KIAA1549L: variants seen among roughly 807,000 people sequenced by gnomAD.
The protein encoded by KIAA1549L is KIAA1549 like, also known as UPF0606 protein KIAA1549L.
KIAA1549L carries 88 observed loss-of-function variants against 160.7 expected under a neutral mutation model. The observed-to-expected ratio is 0.55, with a 90% CI of 0.46 to 0.65. The LOEUF is 0.65. Among genes scored for constraint, KIAA1549L ranks in the 30% least tolerant of loss-of-function variants. The pLI, the probability that KIAA1549L is intolerant of heterozygous loss-of-function variation, is 0.00. For synonymous variants in KIAA1549L, 950 were observed against 976.7 expected (o/e 0.97, Z 0.51); for missense variants, 2,258 against 2,437.5 (o/e 0.93, Z 1.55).
intron 1 of KIAA1549L, among the ~76,000 whole-genome samples, chr11:33,384,928 G>GT (rs748118233): frequency 8.5e-5 from 12 of 141,156 alleles, no homozygotes; most frequent in East Asian, 4.0e-4. Flanking sequence ...TATTAACAGC[G>GT]TTTTTTTTGT....
intron 9 of KIAA1549L, among the ~76,000 whole-genome samples, chr11:33,571,726 C>T (rs535891895): frequency 3.9e-5 from 6 of 152,158 alleles, no homozygotes; most frequent in South Asian, 4.1e-4. Flanking sequence ...TACCTCCCAC[C>T]GGGACCCACC....
At chr11:33,517,663 G>C (rs1712058227) in intron 1 of KIAA1549L, among the ~76,000 whole-genome samples, 1 of 152,090 alleles carries the variant, frequency 6.6e-6, no homozygotes, top group African/African-American at 2.4e-5. Flanking sequence ...GGACATAAAT[G>C]CTTCTATTTC....
intron 16 of KIAA1549L, 150 bp downstream of exon 16, chr11:33,618,812 C>T: frequency 1.5e-6 from 1 of 682,690 alleles, no homozygotes; most frequent in Admixed American, 3.5e-5. Flanking sequence ...ACCTATTTTG[C>T]AAAGTAGGAC....
intron 1 of KIAA1549L, among the ~76,000 whole-genome samples, chr11:33,453,844 C>T (rs1413070651): frequency 2.0e-5 from 3 of 152,100 alleles, no homozygotes; most frequent in Non-Finnish European, 4.4e-5. Context: ...AACATAAACC[C>T]CAAAGTAAAA....
At chr11:33,664,491 G>A (rs1025306543) in intron 20 of KIAA1549L, among the ~76,000 whole-genome samples, 4 of 152,164 alleles carry the variant, frequency 2.6e-5, no homozygotes, top group African/African-American at 9.7e-5. Flanking sequence ...CATCCAATTG[G>A]TGATGTCCCA....
chr11:33,457,326 G>A (rs971234174), intron 1 of KIAA1549L, among the ~76,000 whole-genome samples: 1 of 152,178 alleles, frequency 6.6e-6, no homozygotes, highest in Non-Finnish European at 1.5e-5. Flanking sequence ...GCAAGTCCTG[G>A]GGATGTGGTC....
rs115902325 is a variant in KIAA1549L at position 33,588,006 on chromosome 11, G to A, written c.4567-3231G>A. ...AGATGTTCCAGCTCTGTGTCACATA[G>A]TCCTAGGTTCAAATGCTGACTCCAT... On this transcript the variant is annotated intron_variant, in intron 11 of 20. Coordinates refer to ENST00000658780, the MANE Select transcript of KIAA1549L (RefSeq NM_012194.3). 6.3e-3 allele frequency among the ~76,000 whole-genome samples: 955 copies of A among 152,330 alleles called. 19 individuals carry two copies. Among genetic ancestry groups the A allele is most frequent in the African/African-American group, 0.021 (892 of 41,574 alleles).
chr11:33,409,617 GCTTA>G (rs1850746098), intron 1 of KIAA1549L, among the ~76,000 whole-genome samples: 1 of 152,106 alleles, frequency 6.6e-6, no homozygotes, highest in Admixed American at 6.6e-5. Context: ...AGGTCATTCT[GCTTA>G]CTTTTTCCTT....
intron 9 of KIAA1549L, among the ~76,000 whole-genome samples, chr11:33,571,663 C>T (rs1855261543): frequency 6.6e-6 from 1 of 152,134 alleles, no homozygotes; most frequent in African/African-American, 2.4e-5. Flanking sequence ...AGAACTCATT[C>T]ACTACTGCGA....
intron 11 of KIAA1549L, among the ~76,000 whole-genome samples, chr11:33,585,787 T>G (rs1012458769): frequency 1.3e-5 from 2 of 152,172 alleles, no homozygotes; most frequent in Non-Finnish European, 2.9e-5. Flanking sequence ...CTAGGACAGA[T>G]TAGCGTTTGT....
At chr11:33,537,942 G>A (rs1212773231) in intron 1 of KIAA1549L, among the ~76,000 whole-genome samples, 2 of 152,128 alleles carry the variant, frequency 1.3e-5, no homozygotes, top group Non-Finnish European at 2.9e-5. Flanking sequence ...TGATACTTTG[G>A]AATGATATGT....
chr11:33,431,694 G>A lies in KIAA1549L; in HGVS notation c.238+54805G>A, dbSNP rs190172233. ...CAGCTGGCTTCACCCAGTGGATCCC[G>A]CACCGGGGCTGCAGGTGGAGCTGCC... On this transcript the variant is annotated intron_variant, in intron 1 of 20. Transcript: ENST00000658780. 3.0e-4 allele frequency among the ~76,000 whole-genome samples: 45 copies of A among 152,360 alleles called. No homozygotes were observed. In the East Asian group the frequency reaches 6.2e-3, roughly 21 times the overall value.
At chr11:33,413,646 GTAAT>G (rs1850828417) in intron 1 of KIAA1549L, among the ~76,000 whole-genome samples, 1 of 152,038 alleles carries the variant, frequency 6.6e-6, no homozygotes, top group South Asian at 2.1e-4. Context: ...TACAGTCTAT[GTAAT>G]TAATTATCTC....
chr11:33,465,254 A>G (rs968509430), intron 1 of KIAA1549L, among the ~76,000 whole-genome samples: 3 of 151,760 alleles, frequency 2.0e-5, no homozygotes, highest in African/African-American at 7.3e-5. Context: ...GGGGTTCACC[A>G]TGTTAGCCAG....
intron 1 of KIAA1549L, among the ~76,000 whole-genome samples, chr11:33,468,384 A>G (rs1852106026): frequency 6.6e-6 from 1 of 152,226 alleles, no homozygotes; most frequent in Non-Finnish European, 1.5e-5. Context: ...AAAACAAATT[A>G]GTTTCAATTC....
At chr11:33,546,005 G>A (rs1175239517) in intron 3 of KIAA1549L, among the ~76,000 whole-genome samples, 3 of 152,172 alleles carry the variant, frequency 2.0e-5, no homozygotes, top group Non-Finnish European at 4.4e-5. Flanking sequence ...AGTGGGATGG[G>A]CAGCACCAGA....
intron 1 of KIAA1549L, among the ~76,000 whole-genome samples, chr11:33,430,352 TTGGGGTGATGTAGG>T (rs1851213912): frequency 6.6e-6 from 1 of 151,854 alleles, no homozygotes; most frequent in Non-Finnish European, 1.5e-5. Context: ...TAAGTCATAT[TTGGGGTGATGTAGG>T]TGGGGTGAAT....
intron 16 of KIAA1549L, among the ~76,000 whole-genome samples, chr11:33,644,301 ATTAAT>A (rs1218852831): frequency 1.3e-5 from 2 of 152,212 alleles, no homozygotes; most frequent in Non-Finnish European, 2.9e-5. Flanking sequence ...ATGAGCATGT[ATTAAT>A]TTAATGCTAA....
chr11:33,466,815 A>G (rs147591450), intron 1 of KIAA1549L, among the ~76,000 whole-genome samples: 1,734 of 152,288 alleles, frequency 0.011, 20 homozygotes, highest in African/African-American at 0.039. Context: ...CATGTCCTTT[A>G]CAGGGACATG....
Sources: allele counts gnomAD v4.1 joint callset (sites outside exome capture counted in the v4.1 genomes callset), GRCh38; gene constraint gnomAD v4.1.1; transcripts MANE v1.5; gene names NCBI Gene and HGNC (gene_info 2026-07-23, HGNC 2026-07-21).